MAGI3: variants seen among roughly 807,000 people sequenced by gnomAD.
MAGI3 encodes the protein membrane-associated guanylate kinase, WW and PDZ domain-containing protein 3.
In MAGI3, 43 loss-of-function variants were observed where a neutral mutation model predicts 121.8. That is an observed-to-expected ratio of 0.35 (90% CI 0.28 to 0.46). MAGI3 has a LOEUF of 0.46. MAGI3 is among the 20% of genes least tolerant of loss of function. The pLI is 1.00. For synonymous variants in MAGI3, 553 were observed against 639.3 expected (o/e 0.86, Z 2.04); for missense variants, 1,547 against 1,797.3 (o/e 0.86, Z 2.52).
At chr1:113,617,404 G>C (rs148711300) in intron 7 of MAGI3, among the ~76,000 whole-genome samples, 2 of 152,246 alleles carry the variant, frequency 1.3e-5, no homozygotes, top group African/African-American at 4.8e-5. Context: ...CTTAATAATA[G>C]TGTAGGTATA....
chr1:113,606,281 T>A (rs1399567329), intron 6 of MAGI3, among the ~76,000 whole-genome samples: 1 of 152,190 alleles, frequency 6.6e-6, no homozygotes, highest in Non-Finnish European at 1.5e-5. Context: ...AAATAATTTT[T>A]AAAATAATTT....
chr1:113,678,113 GTTTTT>G (rs11447632), intron 19 of MAGI3, among the ~76,000 whole-genome samples: 1 of 147,426 alleles, frequency 6.8e-6, no homozygotes, highest in African/African-American at 2.5e-5. Context: ...AGTTTTTGTT[GTTTTT>G]TTTTTTTGCA....
intron 1 of MAGI3, among the ~76,000 whole-genome samples, chr1:113,503,210 G>GAGTATAATTAA (rs1657110958): frequency 2.9e-5 from 1 of 34,038 alleles, no homozygotes; most frequent in East Asian, 5.3e-4. Flanking sequence ...CTAAAACTTA[G>GAGTATAATTAA]AGTATAATTA....
At chr1:113,416,036 TTAA>T (rs1557743711) in intron 1 of MAGI3, among the ~76,000 whole-genome samples, 1 of 149,606 alleles carries the variant, frequency 6.7e-6, no homozygotes, top group Non-Finnish European at 1.5e-5. Flanking sequence ...ATGACACATA[TTAA>T]TTATGTAATT....
Position 113,649,240 on chromosome 1 carries a change from C to G in MAGI3, c.2159C>G (p.Pro720Arg). 2 of 1,610,778 alleles carry G rather than the reference C, an allele frequency of 1.2e-6. No homozygotes were observed. Among genetic ancestry groups the G allele is most frequent in the Non-Finnish European group, 1.7e-6 (2 of 1,178,870 alleles). The change falls in exon 13 of 21, where the codon CCA becomes CGA. Residue 720 changes from proline to arginine, a missense_variant. Transcript: ENST00000307546. ...TATATTTTCTGATTTTCCTCAGCACCAAACACCAAAGATTTGGATGTTTTT... is the reference window on the plus strand; with the variant it reads ...TATATTTTCTGATTTTCCTCAGCACGAAACACCAAAGATTTGGATGTTTTT... ...KSKTLYEDKP[P>R]NTKDLDVFLR...
rs536325760 is a variant in MAGI3, at chr1:113,424,339, G to T, written c.316+32990G>T. Among the ~76,000 whole-genome samples, 4 of 152,154 alleles carry T rather than the reference G, an allele frequency of 2.6e-5. No individual in the cohort carries two copies. The South Asian group carries it at 8.3e-4, about 32-fold the overall frequency. On this transcript the variant is annotated intron_variant, in intron 1 of 20. Transcript: ENST00000307546. ...TTTGTGTATCTAGCACCACAGACAA[G>T]ATACAGAACAGTTCCATCACCAAAA...
intron 1 of MAGI3, among the ~76,000 whole-genome samples, chr1:113,476,188 T>G (rs1417658124): frequency 6.6e-6 from 1 of 152,140 alleles, no homozygotes; most frequent in African/African-American, 2.4e-5. Flanking sequence ...GATTCATTGA[T>G]TTTTTTGAAG....
At chr1:113,557,609 G>T (rs931923339) in intron 2 of MAGI3, among the ~76,000 whole-genome samples, 9 of 152,216 alleles carry the variant, frequency 5.9e-5, no homozygotes, top group African/African-American at 2.2e-4. Flanking sequence ...TGGGCAAGCT[G>T]CCACCTTGGC....
At chr1:113,677,060 T>C (rs1176731054) in intron 19 of MAGI3, among the ~76,000 whole-genome samples, 1 of 152,158 alleles carries the variant, frequency 6.6e-6, no homozygotes, top group East Asian at 1.9e-4. Flanking sequence ...ACAAGAAATG[T>C]TAATTTGTAA....
intron 9 of MAGI3, among the ~76,000 whole-genome samples, chr1:113,640,915 A>ATG (rs1157449204): frequency 1.3e-5 from 1 of 74,544 alleles, no homozygotes; most frequent in Non-Finnish European, 2.6e-5. Context: ...ATATTTATAT[A>ATG]TGATATATTT....
At chr1:113,646,174 A>G (rs1012479533) in intron 11 of MAGI3, among the ~76,000 whole-genome samples, 1 of 152,010 alleles carries the variant, frequency 6.6e-6, no homozygotes, top group Non-Finnish European at 1.5e-5. Context: ...TTGTATTTCT[A>G]TTTATCTTCA....
At chr1:113,594,663 G>A in intron 6 of MAGI3, 103 bp downstream of exon 6, 5 of 831,320 alleles carry the variant, frequency 6.0e-6, no homozygotes, top group Admixed American at 2.9e-5. Flanking sequence ...AAACCATAAT[G>A]TACACAAGCA....
chr1:113,416,250 AATTACACATATTAATT>A lies in MAGI3; in HGVS notation c.316+24904_316+24919del, dbSNP rs1418529413. On this transcript the variant is annotated intron_variant, in intron 1 of 20. Transcript: ENST00000307546. ...AATGACACATATTAATTATGTAATT[AATTACACATATTAATT>A]ATGTAATTAATTACACATATTAATT... Among the ~76,000 whole-genome samples the A allele has an allele frequency of 1.7e-4, 24 of 138,430 alleles. 2 individuals carry two copies. The highest frequency in any genetic ancestry group is 5.2e-4 in the African/African-American group (20 of 38,472). 90.8% of individuals were successfully genotyped at this position (138,430 alleles called of 152,430 possible). A position where few individuals can be genotyped will look rare whatever the true frequency, so the allele number is the denominator to read the frequency against.
At chr1:113,572,750 C>A (rs887689283) in intron 2 of MAGI3, among the ~76,000 whole-genome samples, 7 of 152,084 alleles carry the variant, frequency 4.6e-5, no homozygotes, top group African/African-American at 7.2e-5. Context: ...TCCCCTTTAT[C>A]ATTTTTTATT....
At chr1:113,682,876 C>T in intron 20 of MAGI3, 21 bp from the exon 21 acceptor site, 1 of 1,531,358 alleles carries the variant, frequency 6.5e-7, no homozygotes. Context: ...TAATAATGTT[C>T]CATTCAAATC....
chr1:113,460,780 G>T (rs1300197245), intron 1 of MAGI3, among the ~76,000 whole-genome samples: 2 of 151,736 alleles, frequency 1.3e-5, no homozygotes, highest in African/African-American at 2.4e-5. Context: ...CTGCACTCAA[G>T]CCTGGGTGAC....
chr1:113,409,789 G>A (rs909779223), intron 1 of MAGI3, among the ~76,000 whole-genome samples: 2 of 151,874 alleles, frequency 1.3e-5, no homozygotes, highest in African/African-American at 2.4e-5. Flanking sequence ...GTAATAGGTG[G>A]GTGTCAGGAA....
In MAGI3 at chr1:113,685,090, G is replaced by A. The variant is rs1262102185; in HGVS notation, c.*1076G>A. 1 of 152,356 alleles carries A rather than the reference G, an allele frequency of 6.6e-6. No individual in the cohort carries two copies. Among genetic ancestry groups the A allele is most frequent in the African/African-American group, 2.4e-5 (1 of 41,452 alleles). The allele number at this position is 152,356 out of a possible 1,614,324, so 9.4% of individuals were successfully genotyped here. ...CCTGTGTAGGGTATGCCCAGCAAATGAGGACAAATGTGTAGACAGTACTTA... is the reference window on the plus strand; with the variant it reads ...CCTGTGTAGGGTATGCCCAGCAAATAAGGACAAATGTGTAGACAGTACTTA... On this transcript the variant is annotated 3_prime_UTR_variant, in exon 21 of 21. Transcript: ENST00000307546.
chr1:113,391,400 G>A lies in MAGI3; in HGVS notation c.316+51G>A, dbSNP rs912051821. The A allele has an allele frequency of 9.1e-6, 14 of 1,546,894 alleles. No individual in the cohort carries two copies. Among genetic ancestry groups the A allele is most frequent in the Admixed American group, 2.0e-5 (1 of 50,834 alleles). Reference sequence around the variant, plus strand: ...CGGGGTGTTGGGGAGAGGGGCTTCAGGGTGGGCGTCCTGGGAGCGGCGGCA... The same window carrying A: ...CGGGGTGTTGGGGAGAGGGGCTTCAAGGTGGGCGTCCTGGGAGCGGCGGCA... On this transcript the variant is annotated intron_variant, in intron 1 of 20. Transcript: ENST00000307546. The surrounding 1 kb of genome is among the most constrained non-coding windows in gnomAD (Gnocchi z 4.4).
Sources: allele counts gnomAD v4.1 joint callset (sites outside exome capture counted in the v4.1 genomes callset), GRCh38; gene constraint gnomAD v4.1.1; non-coding constraint Gnocchi (gnomAD v3.1); transcripts MANE v1.5; gene names NCBI Gene and HGNC (gene_info 2026-07-23, HGNC 2026-07-21).